Variants in UNC13B observed in about 807,000 individuals in gnomAD.
The protein encoded by UNC13B is protein unc-13 homolog B.
UNC13B carries 144 observed loss-of-function variants against 211.0 expected under a neutral mutation model. The observed-to-expected ratio is 0.68, with a 90% CI of 0.60 to 0.78. The LOEUF is 0.78. Among genes scored for constraint, UNC13B ranks in the 30% least tolerant of loss-of-function variants. The probability of loss-of-function intolerance (pLI) is 0.00; values close to 1 mark genes in which losing one functional copy is unlikely to be tolerated. For missense variants in UNC13B, 1,777 were observed against 2,002.0 expected (o/e 0.89, Z 2.14); for synonymous variants, 709 against 725.8 (o/e 0.98, Z 0.37).
Position 35,403,992 on chromosome 9 carries a change from A to G in UNC13B, c.12982A>G (p.Lys4328Glu), listed in dbSNP as rs1165556265. ...TGACGAGGTGGCCCGAGAATTTGTG[A>G]AACTCAAATCAGAGTCTCGTTCCAC... Reference protein sequence around the residue: ...SNDEVAREFVKLKSESRSTEE... With the variant: ...SNDEVAREFVELKSESRSTEE... Residue 4328 changes from lysine to glutamate, a missense_variant, in exon 40 of 40, where the codon AAA becomes GAA. Lys to Glu is a moderately conservative substitution (Grantham distance 56). Coordinates refer to ENST00000635942, the MANE Select transcript of UNC13B (RefSeq NM_001371189.2). 6.2e-7 allele frequency: 1 copy of G among 1,613,904 alleles called. No homozygotes were observed. The highest frequency in any genetic ancestry group is 8.5e-7 in the Non-Finnish European group (1 of 1,180,030).
Position 35,236,576 on chromosome 9 carries a change from A to T in UNC13B, c.260A>T (p.Gln87Leu), listed in dbSNP as rs143163503. ...TVWIALKTIR[Q>L]SDEEGPGEWS... ...TGGATTGCGCTGAAGACTATTCGTC[A>T]GTCGGATGAGGTCAGTCATTGCATT... The change falls in exon 4 of 40, where the codon CAG becomes CTG. Residue 87 changes from glutamine (Q) to leucine (L), a missense_variant. By Grantham distance (113) the Gln-to-Leu change is moderately radical. Transcript: ENST00000635942. 3 of 1,613,826 alleles carry T rather than the reference A, an allele frequency of 1.9e-6. No individual in the cohort carries two copies. Among genetic ancestry groups the T allele is most frequent in the Admixed American group, 1.7e-5 (1 of 60,020 alleles).
chr9:35,377,988 G>A (rs1187716217), intron 16 of UNC13B, among the ~76,000 whole-genome samples: 1 of 151,460 alleles, frequency 6.6e-6, no homozygotes, highest in Non-Finnish European at 1.5e-5. Flanking sequence ...GGGGGAAGGG[G>A]AAGGGCAGGG....
chr9:35,162,628 C>T (rs1441140967), intron 1 of UNC13B, among the ~76,000 whole-genome samples: 3 of 152,138 alleles, frequency 2.0e-5, no homozygotes, highest in African/African-American at 7.2e-5. Flanking sequence ...TGGTTGGTGC[C>T]TGTGAATGGT....
chr9:35,195,338 C>T (rs916067669), intron 1 of UNC13B, among the ~76,000 whole-genome samples: 8 of 152,292 alleles, frequency 5.3e-5, no homozygotes, highest in African/African-American at 1.9e-4. Context: ...TTCTTCTTAA[C>T]TCCTGTATCA....
chr9:35,389,438 G>T (rs1486893839), intron 24 of UNC13B, among the ~76,000 whole-genome samples: 1 of 152,194 alleles, frequency 6.6e-6, no homozygotes, highest in Non-Finnish European at 1.5e-5. Flanking sequence ...GTGGTGTGCT[G>T]TCAGTAGAGG....
At chr9:35,351,459 C>T in intron 11 of UNC13B, 1 of 1,231,556 alleles carries the variant, frequency 8.1e-7, no homozygotes, top group Non-Finnish European at 1.0e-6. Context: ...CCAAGGTAAT[C>T]TCTATTAAGC....
chr9:35,222,173 T>A (rs1587404697), intron 1 of UNC13B, among the ~76,000 whole-genome samples: 1 of 152,202 alleles, frequency 6.6e-6, no homozygotes, highest in African/African-American at 2.4e-5. Flanking sequence ...TAAAACCAGC[T>A]TGTCAGTATC....
intron 11 of UNC13B, among the ~76,000 whole-genome samples, chr9:35,365,156 T>C (rs1833696263): frequency 6.6e-6 from 1 of 152,238 alleles, no homozygotes. Flanking sequence ...AGTATACTAA[T>C]GCCCTGTGCT....
Position 35,384,239 on chromosome 9 carries a change from C to T in UNC13B, c.10807-7C>T, listed in dbSNP as rs367999149. 1.9e-6 allele frequency: 3 copies of T among 1,613,876 alleles called. No individual in the cohort carries two copies. The highest frequency in any genetic ancestry group is 2.5e-6 in the Non-Finnish European group (3 of 1,179,920). ...TTTCTTCCCCTTTATTTGTTTCTCA[C>T]CCTCAGAAAGAGAGATTTGTAAAAC... On this transcript the variant is annotated splice_polypyrimidine_tract_variant and splice_region_variant and intron_variant, in intron 21 of 39. Transcript: ENST00000635942.
At chr9:35,236,386 T>A in intron 3 of UNC13B, 83 bp from the exon 4 acceptor site, 2 of 1,157,004 alleles carry the variant, frequency 1.7e-6, no homozygotes, top group Non-Finnish European at 2.5e-6. Context: ...TGAGAAAGCA[T>A]TCAAAGTTTA....
chr9:35,314,840 CA>C (rs1830364778), intron 11 of UNC13B, among the ~76,000 whole-genome samples: 1 of 143,036 alleles, frequency 7.0e-6, no homozygotes, highest in Non-Finnish European at 1.5e-5. Context: ...AAAAGCCAAA[CA>C]TCTGTTGATG....
rs575484241 is a variant in UNC13B, at chr9:35,352,561, A to G, written c.9415-14386A>G. 5.0e-5 allele frequency: 62 copies of G among 1,232,200 alleles called. No individual in the cohort carries two copies. The South Asian group carries it at 2.1e-3, about 41-fold the overall frequency. 76.3% of individuals were successfully genotyped at this position (1,232,200 alleles called of 1,614,324 possible). A position where few individuals can be genotyped will look rare whatever the true frequency, so the allele number is the denominator to read the frequency against. ...ATGAACCAGTTCTTCAGATGGAAAC[A>G]GGGGACAGGGGACCCATAACAGGAA... On this transcript the variant is annotated intron_variant, in intron 11 of 39. Transcript: ENST00000635942.
intron 7 of UNC13B, among the ~76,000 whole-genome samples, chr9:35,294,113 A>AG: frequency 6.6e-6 from 1 of 152,264 alleles, no homozygotes; most frequent in African/African-American, 2.4e-5. Context: ...AATGAAGCCA[A>AG]GGGGGGTCAT....
intron 11 of UNC13B, among the ~76,000 whole-genome samples, chr9:35,327,353 C>T (rs1353738871): frequency 1.3e-5 from 2 of 152,178 alleles, no homozygotes; most frequent in African/African-American, 4.8e-5. Flanking sequence ...CCAGTAGAGG[C>T]TCAGTCCAAG....
intron 7 of UNC13B, among the ~76,000 whole-genome samples, chr9:35,272,581 T>G (rs905853327): frequency 1.3e-5 from 2 of 152,194 alleles, no homozygotes. Context: ...CTTTATACTT[T>G]ATTGTACTTT....
chr9:35,344,764 A>T (rs993589552), intron 11 of UNC13B, among the ~76,000 whole-genome samples: 3 of 152,174 alleles, frequency 2.0e-5, no homozygotes, highest in African/African-American at 7.2e-5. Flanking sequence ...AAGCACTATG[A>T]TGGTAAGACT....
At chr9:35,177,402 G>A (rs1821698570) in intron 1 of UNC13B, among the ~76,000 whole-genome samples, 1 of 152,168 alleles carries the variant, frequency 6.6e-6, no homozygotes, top group Non-Finnish European at 1.5e-5. Flanking sequence ...TGAAAGCACT[G>A]GGTTTCTACT....
chr9:35,281,578 A>G (rs973299147), intron 7 of UNC13B, among the ~76,000 whole-genome samples: 2 of 152,232 alleles, frequency 1.3e-5, no homozygotes, highest in African/African-American at 2.4e-5. Context: ...TGGGATGGTT[A>G]GGAACTGCTT....
intron 7 of UNC13B, among the ~76,000 whole-genome samples, chr9:35,280,542 T>A (rs1449495435): frequency 6.6e-6 from 1 of 152,168 alleles, no homozygotes; most frequent in Non-Finnish European, 1.5e-5. Context: ...CAGGGAGTAT[T>A]ATTTTAGTGG....
Sources: gnomAD v4.1 joint callset for allele counts (sites outside exome capture counted in the v4.1 genomes callset) on GRCh38, gnomAD v4.1.1 for gene constraint, MANE v1.5 for transcripts, NCBI Gene and HGNC (gene_info 2026-07-23, HGNC 2026-07-21) for gene names.